The following SCFD2 variants were observed in gnomAD, a reference collection of about 807,000 sequenced individuals.
The protein encoded by SCFD2 is sec1 family domain containing 2.
In SCFD2, 54 loss-of-function variants were observed where a neutral mutation model predicts 58.9. That is an observed-to-expected ratio of 0.92 (90% CI 0.74 to 1.15). SCFD2 has a LOEUF of 1.15. Ranked by LOEUF, SCFD2 falls within the 50% of genes most tolerant of loss-of-function variation. The pLI, the probability that SCFD2 is intolerant of heterozygous loss-of-function variation, is 0.00. For missense variants in SCFD2, 805 were observed against 836.6 expected (o/e 0.96, Z 0.47); for synonymous variants, 321 against 335.9 (o/e 0.96, Z 0.49).
intron 5 of SCFD2, among the ~76,000 whole-genome samples, chr4:53,077,001 A>G (rs1723996610): frequency 6.6e-6 from 1 of 152,186 alleles, no homozygotes; most frequent in Admixed American, 6.5e-5. Flanking sequence ...TATCTTGTAT[A>G]TATCCTTTAA....
At chr4:53,333,789 A>G (rs1173204586) in intron 2 of SCFD2, among the ~76,000 whole-genome samples, 1 of 134,562 alleles carries the variant, frequency 7.4e-6, no homozygotes, top group African/African-American at 2.8e-5. Flanking sequence ...ACAGCAAAAG[A>G]AACTACCATC....
chr4:53,268,920 T>G (rs757631630), intron 4 of SCFD2, among the ~76,000 whole-genome samples: 15 of 152,018 alleles, frequency 9.9e-5, no homozygotes, highest in Non-Finnish European at 1.9e-4. Flanking sequence ...ATAAAGTAAT[T>G]AAATATGTCA....
intron 5 of SCFD2, among the ~76,000 whole-genome samples, chr4:52,959,897 AACACACACAC>A (rs10529140): frequency 7.2e-6 from 1 of 138,112 alleles, no homozygotes; most frequent in African/African-American, 2.7e-5. Context: ...TCCAAATTGA[AACACACACAC>A]ACACACACAC....
In SCFD2 at chr4:53,365,230, C is replaced by T; in HGVS notation, c.712G>A (p.Ala238Thr). ...EHLGVREECF[A>T]VGSLSQVIAA... Reference sequence around the variant, plus strand: ...ATGACCTGACTTAAGGAACCTACAGCAAAACACTCCTCCCGTACTCCTAAA... The same window carrying T: ...ATGACCTGACTTAAGGAACCTACAGTAAAACACTCCTCCCGTACTCCTAAA... Residue 238 changes from alanine to threonine, a missense_variant, in exon 1 of 9, where the codon GCT (alanine) becomes ACT (threonine). Physicochemically the swap from Ala to Thr is moderately conservative, Grantham distance 58. Around this residue, in one of 3 missense-constraint regions of SCFD2, gnomAD observed 633 missense variants for 646.8 expected, o/e 0.98. Transcript: ENST00000401642. This position sits in a 1 kb window ranked among gnomAD's most constrained non-coding sequence, Gnocchi z 4.3. 2.5e-6 allele frequency: 4 copies of T among 1,614,168 alleles called. No homozygotes were observed. Among genetic ancestry groups the T allele is most frequent in the Non-Finnish European group, 3.4e-6 (4 of 1,180,036 alleles).
chr4:53,080,659 T>C (rs1438126964), intron 5 of SCFD2, among the ~76,000 whole-genome samples: 2 of 152,102 alleles, frequency 1.3e-5, no homozygotes, highest in African/African-American at 2.4e-5. Flanking sequence ...ATACTCACAA[T>C]ACAGCAAATA....
chr4:53,115,812 TA>T (rs755759866), intron 5 of SCFD2, among the ~76,000 whole-genome samples: 129 of 152,298 alleles, frequency 8.5e-4, no homozygotes, highest in Non-Finnish European at 1.5e-3. Flanking sequence ...ACTGACCTTC[TA>T]AAAGGTCTAA....
chr4:53,314,106 T>A (rs1268284756), intron 2 of SCFD2, among the ~76,000 whole-genome samples: 1 of 152,214 alleles, frequency 6.6e-6, no homozygotes, highest in Admixed American at 6.5e-5. Flanking sequence ...AAATGTTATA[T>A]AAGCCAAAAT....
At chr4:52,897,510 G>T (rs1234265515) in intron 7 of SCFD2, among the ~76,000 whole-genome samples, 2 of 152,162 alleles carry the variant, frequency 1.3e-5, no homozygotes. Flanking sequence ...ATGAAGCCCA[G>T]TTGATCATGG....
intron 4 of SCFD2, among the ~76,000 whole-genome samples, chr4:53,181,590 G>T (rs1000208449): frequency 1.2e-4 from 18 of 152,118 alleles, no homozygotes; most frequent in African/African-American, 3.4e-4. Context: ...CTTTGAAAAC[G>T]GGTACAAGAC....
chr4:53,330,574 T>A (rs1157917407), intron 2 of SCFD2, among the ~76,000 whole-genome samples: 1 of 151,910 alleles, frequency 6.6e-6, no homozygotes, highest in African/African-American at 2.4e-5. Flanking sequence ...CAGGCCTGCT[T>A]TACAAGAGCT....
chr4:53,217,697 G>A (rs921360156), intron 4 of SCFD2, among the ~76,000 whole-genome samples: 1 of 152,198 alleles, frequency 6.6e-6, no homozygotes, highest in Non-Finnish European at 1.5e-5. Context: ...GATGTTAGCT[G>A]CTTATTTTGC....
chr4:53,144,025 T>C (rs1726245314), intron 5 of SCFD2, among the ~76,000 whole-genome samples: 1 of 152,084 alleles, frequency 6.6e-6, no homozygotes, highest in Admixed American at 6.5e-5. Flanking sequence ...TTATTGGAAG[T>C]GAAGGTAGTT....
At position 53,139,117 on chromosome 4, in the gene SCFD2, A is replaced by T. The variant is rs527921964; in HGVS notation, c.1561+6216T>A. The stretch of plus-strand genomic sequence containing the variant: ...AGCTCCTGACCGCAAGTGATCTGCC[A>T]GCCTCGGCCTCCCGAGGTGCCGGGA... On this transcript the variant is annotated intron_variant, in intron 5 of 8. Transcript: ENST00000401642. Among the ~76,000 whole-genome samples, 241 of 152,300 alleles carry T rather than the reference A, an allele frequency of 1.6e-3. 1 individual carries two copies. Among genetic ancestry groups the T allele is most frequent in the African/African-American group, 5.6e-3 (234 of 41,570 alleles).
chr4:53,185,359 A>T (rs1333627542), intron 4 of SCFD2, among the ~76,000 whole-genome samples: 3 of 152,224 alleles, frequency 2.0e-5, no homozygotes, highest in South Asian at 2.1e-4. Context: ...AACATTTTAG[A>T]TATATTACAG....
intron 2 of SCFD2, among the ~76,000 whole-genome samples, chr4:53,341,754 A>ATC (rs1226517705): frequency 6.6e-6 from 1 of 152,226 alleles, no homozygotes; most frequent in Non-Finnish European, 1.5e-5. Context: ...CTAACAGCAG[A>ATC]TCTCTCGGCA....
intron 5 of SCFD2, among the ~76,000 whole-genome samples, chr4:53,129,983 G>A (rs1285190629): frequency 1.3e-5 from 2 of 152,066 alleles, no homozygotes; most frequent in African/African-American, 4.8e-5. Context: ...TTATAAATTA[G>A]TTTACATTTT....
intron 4 of SCFD2, among the ~76,000 whole-genome samples, chr4:53,211,167 CG>C (rs1176454670): frequency 1.3e-5 from 2 of 151,398 alleles, no homozygotes; most frequent in African/African-American, 4.9e-5. Flanking sequence ...CGTTTGAACC[CG>C]GGGGGCGGAG....
chr4:53,229,055 C>T lies in SCFD2; in HGVS notation c.1311+44771G>A, dbSNP rs186037450. 8.7e-3 allele frequency among the ~76,000 whole-genome samples: 1,328 copies of T among 152,122 alleles called. 17 individuals carry two copies. The highest frequency in any genetic ancestry group is 0.03 in the African/African-American group (1,252 of 41,506). On this transcript the variant is annotated intron_variant, in intron 4 of 8. Transcript: ENST00000401642. Reference sequence around the variant, plus strand: ...AGAGAATAAAAAACCTAGGAATCCACCTTACAAGGGATGTGAAGGACCTCT... The same window carrying T: ...AGAGAATAAAAAACCTAGGAATCCATCTTACAAGGGATGTGAAGGACCTCT...
At chr4:52,951,577 A>G (rs1026459517) in intron 5 of SCFD2, among the ~76,000 whole-genome samples, 1 of 152,164 alleles carries the variant, frequency 6.6e-6, no homozygotes, top group African/African-American at 2.4e-5. Flanking sequence ...CTGCATACTG[A>G]CTATCTGTAG....
Sources: allele counts gnomAD v4.1 joint callset (sites outside exome capture counted in the v4.1 genomes callset), GRCh38; gene constraint gnomAD v4.1.1; regional missense constraint gnomAD v4.1.1; non-coding constraint Gnocchi (gnomAD v3.1); transcripts MANE v1.5; gene names NCBI Gene and HGNC (gene_info 2026-07-23, HGNC 2026-07-21).